The following PAXIP1 variants were observed in gnomAD, a reference collection of about 807,000 sequenced individuals.
PAXIP1 encodes the protein PAX interacting protein 1.
PAXIP1 carries 19 observed loss-of-function variants against 140.6 expected under a neutral mutation model. That is an observed-to-expected ratio of 0.14 (90% CI 0.09 to 0.20). The LOEUF is 0.20. PAXIP1 is among the 10% of genes least tolerant of loss of function. The pLI is 1.00. For synonymous variants in PAXIP1, 442 were observed against 444.6 expected (o/e 0.99, Z 0.07); for missense variants, 920 against 1,208.6 (o/e 0.76, Z 3.54).
chr7:154,996,994 A>C (rs1045611035), intron 2 of PAXIP1, among the ~76,000 whole-genome samples: 2 of 152,184 alleles, frequency 1.3e-5, no homozygotes, highest in African/African-American at 4.8e-5. Flanking sequence ...CAATAGCTCC[A>C]GGCTATTGTC....
chr7:154,999,561 G>A (rs1018833509), intron 1 of PAXIP1, among the ~76,000 whole-genome samples: 7 of 152,194 alleles, frequency 4.6e-5, no homozygotes, highest in African/African-American at 1.7e-4. Flanking sequence ...GCAGAAAGGA[G>A]GAAGATGTGA....
At chr7:154,962,129 T>C (rs982539210) in intron 10 of PAXIP1, among the ~76,000 whole-genome samples, 192 bp downstream of exon 10, 1 of 152,204 alleles carries the variant, frequency 6.6e-6, no homozygotes, top group Non-Finnish European at 1.5e-5. Flanking sequence ...GTGCAGAAAA[T>C]TGTGACTGTT....
intron 5 of PAXIP1, among the ~76,000 whole-genome samples, chr7:154,978,485 C>T (rs912815402): frequency 6.6e-5 from 10 of 152,064 alleles, no homozygotes; most frequent in African/African-American, 2.4e-4. Context: ...TATTCTTTAC[C>T]CTAAAAAATC....
In PAXIP1 at chr7:154,991,029, C is replaced by CAA; in HGVS notation, c.299_300dup (p.Gly101LeufsTer31). 1 of 1,543,614 alleles carries CAA rather than the reference C, an allele frequency of 6.5e-7. No homozygotes were observed. The highest frequency in any genetic ancestry group is 2.0e-5 in the Admixed American group (1 of 50,104). On this transcript the variant is annotated frameshift_variant, in exon 4 of 21. Transcript: ENST00000404141. LOFTEE classifies it high-confidence loss of function. ...ACCTGAGAAAGGCAGGCAGTGATTC[C>CAA]AAAAAAAATCTGACATGATTCTGGA...
intron 16 of PAXIP1, chr7:154,949,104 A>T (rs545083204): frequency 6.6e-6 from 1 of 152,310 alleles, no homozygotes; most frequent in Admixed American, 6.5e-5. Context: ...CCAACCATAC[A>T]GCATAATAAG....
intron 2 of PAXIP1, among the ~76,000 whole-genome samples, chr7:154,995,393 A>G (rs1372016803): frequency 1.3e-5 from 2 of 152,234 alleles, no homozygotes; most frequent in Non-Finnish European, 1.5e-5. Flanking sequence ...TGGCTATCAT[A>G]AAGTCCCATC....
chr7:154,996,450 C>T (rs1810616963), intron 2 of PAXIP1, among the ~76,000 whole-genome samples: 1 of 152,192 alleles, frequency 6.6e-6, no homozygotes, highest in Non-Finnish European at 1.5e-5. Flanking sequence ...ATCCTAGATG[C>T]TAACTGCTAA....
At chr7:154,968,068 C>A (rs919545809) in intron 7 of PAXIP1, among the ~76,000 whole-genome samples, 158 bp from the exon 8 acceptor site, 1 of 152,060 alleles carries the variant, frequency 6.6e-6, no homozygotes, top group Admixed American at 6.5e-5. Flanking sequence ...AATATTGCTA[C>A]GAAGATACTA....
intron 4 of PAXIP1, 65 bp from the exon 5 acceptor site, chr7:154,983,397 C>T (rs1298620850): frequency 2.7e-6 from 2 of 752,716 alleles, no homozygotes; most frequent in Non-Finnish European, 4.6e-6. Flanking sequence ...TATATTTTCA[C>T]TTTAGTAATA....
chr7:154,953,817 C>G (rs1808389564), intron 16 of PAXIP1, among the ~76,000 whole-genome samples: 1 of 152,096 alleles, frequency 6.6e-6, no homozygotes, highest in Non-Finnish European at 1.5e-5. Flanking sequence ...GGGCTCTGAA[C>G]AATGGAAGAT....
chr7:154,973,988 C>A lies in PAXIP1; in HGVS notation c.1074+1708G>T, dbSNP rs1809450672. Among the ~76,000 whole-genome samples, 1 of 152,196 alleles carries A rather than the reference C, an allele frequency of 6.6e-6. No homozygotes were observed. Among genetic ancestry groups the A allele is most frequent in the Non-Finnish European group, 1.5e-5 (1 of 68,032 alleles). On this transcript the variant is annotated intron_variant, in intron 6 of 20. Coordinates refer to ENST00000404141, the MANE Select transcript of PAXIP1 (RefSeq NM_007349.4). This position sits in a 1 kb window ranked among gnomAD's most constrained non-coding sequence, Gnocchi z 4.0. ...TGGTGCGGCTCCTCAGAGCCTGGCC[C>A]CAGACCCTCCTCTTGCTCTGCCCCA...
chr7:154,998,593 G>A (rs774966769), intron 2 of PAXIP1, 57 bp downstream of exon 2: 1 of 1,372,442 alleles, frequency 7.3e-7, no homozygotes, highest in Non-Finnish European at 1.0e-6. Context: ...AAACTTCAAT[G>A]TACTGCTTGC....
intron 16 of PAXIP1, chr7:154,948,274 G>A: frequency 2.7e-6 from 1 of 376,698 alleles, no homozygotes; most frequent in South Asian, 3.1e-5. Context: ...GGCTGGGTGT[G>A]GTGGTTCATG....
chr7:154,954,268 A>G lies in PAXIP1; in HGVS notation c.2808T>C (p.Cys936=), dbSNP rs751984379. 23 of 1,549,474 alleles carry G rather than the reference A, an allele frequency of 1.5e-5. No individual in the cohort carries two copies. Among genetic ancestry groups the G allele is most frequent in the Non-Finnish European group, 1.9e-5 (22 of 1,135,032 alleles). ...TPEWLEECFR[C]QKFIDEQNYI... is the part of the protein sequence containing the mutation. ...GCTGCTCCTTACCAATGAACTTCTG[A>G]CACCTGAAGCATTCTTCCAGCCACT... Residue 936 remains cysteine, a synonymous_variant, in exon 16 of 21, where the codon TGT becomes TGC. Transcript: ENST00000404141. This position sits in a 1 kb window ranked among gnomAD's most constrained non-coding sequence, Gnocchi z 5.1.
chr7:154,983,176 C>A, intron 5 of PAXIP1, 43 bp downstream of exon 5: 1 of 970,722 alleles, frequency 1.0e-6, no homozygotes, highest in Non-Finnish European at 1.6e-6. Context: ...ACTAGAAATT[C>A]TTAAATGACA....
Position 154,968,824 on chromosome 7 carries a change from A to T in PAXIP1, c.1377T>A (p.His459Gln), listed in dbSNP as rs1293857219. ...SQQQQQQQQA[H>Q]PHQFSQQQLQ... ...GCTGTTGCTGTGAAAACTGATGCGG[A>T]TGGGCTTGCTGCTGCTGCTGCTGTT... The change falls in exon 7 of 21, where the codon CAT (histidine) becomes CAA (glutamine). Residue 459 changes from histidine (H) to glutamine (Q), a missense_variant. By Grantham distance (24) the His-to-Gln change is conservative. This residue lies in a region of PAXIP1 where 133 missense variants were observed against 88.4 expected (regional missense o/e 1.50). Coordinates refer to ENST00000404141, the MANE Select transcript of PAXIP1 (RefSeq NM_007349.4). 1.4e-6 allele frequency: 1 copy of T among 735,234 alleles called. No individual in the cohort carries two copies. The highest frequency in any genetic ancestry group is 2.5e-6 in the Non-Finnish European group (1 of 402,784). The allele number at this position is 735,234 out of a possible 1,614,324, so 45.5% of individuals were successfully genotyped here.
chr7:154,969,692 C>T (rs1473134547), intron 6 of PAXIP1, among the ~76,000 whole-genome samples: 1 of 152,228 alleles, frequency 6.6e-6, no homozygotes, highest in African/African-American at 2.4e-5. Context: ...AGTGGATCAC[C>T]TTCCAGATGA....
intron 6 of PAXIP1, among the ~76,000 whole-genome samples, chr7:154,975,156 CA>C (rs61595965): frequency 0.085 from 9,030 of 106,612 alleles, 628 homozygotes; most frequent in African/African-American, 0.27. Context: ...GACTCCATCT[CA>C]AAAAAAAAAA....
At chr7:154,969,741 G>A (rs149185985) in intron 6 of PAXIP1, among the ~76,000 whole-genome samples, 9 of 152,224 alleles carry the variant, frequency 5.9e-5, no homozygotes, top group East Asian at 1.9e-4. Context: ...AGAGCCTTTC[G>A]CTCCACTGTC....
Sources: gnomAD v4.1 joint callset for allele counts (sites outside exome capture counted in the v4.1 genomes callset) on GRCh38, gnomAD v4.1.1 for gene constraint, gnomAD v4.1.1 regional missense constraint, Gnocchi (gnomAD v3.1) non-coding constraint, MANE v1.5 for transcripts, NCBI Gene and HGNC (gene_info 2026-07-23, HGNC 2026-07-21) for gene names.